The following ERGIC1 variants were observed in gnomAD, a reference collection of about 807,000 sequenced individuals.
ERGIC1 encodes endoplasmic reticulum-golgi intermediate compartment 1.
Under a neutral mutation model 38.3 loss-of-function variants are expected in ERGIC1, and 19 were observed. The observed-to-expected ratio is 0.50, with a 90% CI of 0.35 to 0.73. The LOEUF (loss-of-function observed/expected upper bound fraction) is 0.73, where lower values mean the gene tolerates loss of function less well. Ranked by LOEUF, ERGIC1 falls within the 30% of genes least tolerant of loss-of-function variation. The pLI is 0.01. For missense variants in ERGIC1, 294 were observed against 389.2 expected (o/e 0.76, Z 2.06); for synonymous variants, 124 against 157.6 (o/e 0.79, Z 1.60).
chr5:172,863,529 G>A (rs1761773403), intron 1 of ERGIC1, among the ~76,000 whole-genome samples: 1 of 152,196 alleles, frequency 6.6e-6, no homozygotes, highest in African/African-American at 2.4e-5. Context: ...TTCAGGCTGA[G>A]TGGCCAGGAG....
At chr5:172,908,818 C>T (rs1003930914) in intron 3 of ERGIC1, among the ~76,000 whole-genome samples, 3 of 152,206 alleles carry the variant, frequency 2.0e-5, no homozygotes, top group Non-Finnish European at 4.4e-5. Flanking sequence ...GAAATTAATA[C>T]AGCCGTCAAG....
At chr5:172,845,574 C>G (rs2113524756) in intron 1 of ERGIC1, among the ~76,000 whole-genome samples, 2 of 152,248 alleles carry the variant, frequency 1.3e-5, no homozygotes, top group East Asian at 3.8e-4. Flanking sequence ...CTGAGCCAAA[C>G]AGACAACCCC....
At chr5:172,894,991 AATAG>A (rs1289459494) in intron 2 of ERGIC1, among the ~76,000 whole-genome samples, 2 of 152,278 alleles carry the variant, frequency 1.3e-5, no homozygotes, top group Non-Finnish European at 2.9e-5. Context: ...GATATATGTA[AATAG>A]ATACAGACTA....
chr5:172,926,655 C>T lies in ERGIC1; in HGVS notation c.541+86C>T. 6.8e-7 allele frequency: 1 copy of T among 1,466,364 alleles called. No individual in the cohort carries two copies. The highest frequency in any genetic ancestry group is 9.4e-7 in the Non-Finnish European group (1 of 1,058,696). The allele number at this position is 1,466,364 out of a possible 1,614,324, so 90.8% of individuals were successfully genotyped here. A position where few individuals can be genotyped will look rare whatever the true frequency, so the allele number is the denominator to read the frequency against. On this transcript the variant is annotated intron_variant, in intron 7 of 9. Transcript: ENST00000393784. This position sits in a 1 kb window ranked among gnomAD's most constrained non-coding sequence, Gnocchi z 5.2. ...GGGGGAGGGCAGAGAGGTGGGGGTG[C>T]CTGTCCAGCACCCACTCCAAGGCAG...
intron 1 of ERGIC1, among the ~76,000 whole-genome samples, chr5:172,871,296 C>G (rs988499628): frequency 6.6e-6 from 1 of 152,182 alleles, no homozygotes; most frequent in Non-Finnish European, 1.5e-5. Flanking sequence ...CGCTGCTGTT[C>G]CAGGAACCTG....
intron 5 of ERGIC1, chr5:172,920,538 C>T (rs1392819925): frequency 1.4e-6 from 1 of 691,772 alleles, no homozygotes; most frequent in African/African-American, 1.8e-5. Context: ...CCATCAGAGA[C>T]ACTGACGTAG....
intron 1 of ERGIC1, among the ~76,000 whole-genome samples, chr5:172,848,656 T>A (rs1761335157): frequency 6.6e-6 from 1 of 152,144 alleles, no homozygotes; most frequent in Admixed American, 6.5e-5. Flanking sequence ...CACTGGATCC[T>A]GGTGCTGAGC....
At chr5:172,906,433 C>G (rs1452945789) in intron 3 of ERGIC1, among the ~76,000 whole-genome samples, 1 of 152,068 alleles carries the variant, frequency 6.6e-6, no homozygotes, top group South Asian at 2.1e-4. Flanking sequence ...CATGAATGCA[C>G]GTAGTAGGCC....
chr5:172,927,185 G>A, intron 7 of ERGIC1: 1 of 153,004 alleles, frequency 6.5e-6, no homozygotes. Flanking sequence ...CCAGACACGT[G>A]CACAGAATGG....
At chr5:172,945,571 TC>T (rs1446114699) in intron 9 of ERGIC1, among the ~76,000 whole-genome samples, 1 of 152,170 alleles carries the variant, frequency 6.6e-6, no homozygotes, top group East Asian at 1.9e-4. Context: ...GTTAGAGCCT[TC>T]CAGTGAACTG....
intron 1 of ERGIC1, among the ~76,000 whole-genome samples, chr5:172,875,822 G>T (rs1369632319): frequency 6.6e-6 from 1 of 152,168 alleles, no homozygotes; most frequent in African/African-American, 2.4e-5. Context: ...GAGCTCAAGA[G>T]ATTTTCCTGC....
chr5:172,939,398 T>C (rs1030994543), intron 9 of ERGIC1, among the ~76,000 whole-genome samples: 2 of 152,238 alleles, frequency 1.3e-5, no homozygotes, highest in African/African-American at 4.8e-5. Context: ...GGGAATGCTA[T>C]GCGCAGAGGC....
chr5:172,847,721 A>G (rs6881149), intron 1 of ERGIC1, among the ~76,000 whole-genome samples: 2,105 of 152,152 alleles, frequency 0.014, 29 homozygotes, highest in Non-Finnish European at 0.022. Flanking sequence ...CGCCGTGTTG[A>G]CCAGGATGGT....
intron 6 of ERGIC1, 124 bp downstream of exon 6, chr5:172,924,233 C>T (rs1225748619): frequency 2.2e-6 from 2 of 919,608 alleles, no homozygotes; most frequent in East Asian, 2.6e-5. Flanking sequence ...CTAAGCCAAG[C>T]CTGGAAGGGT....
At chr5:172,947,497 C>T (rs1764149883) in intron 9 of ERGIC1, among the ~76,000 whole-genome samples, 1 of 152,182 alleles carries the variant, frequency 6.6e-6, no homozygotes, top group Non-Finnish European at 1.5e-5. Context: ...TGAGGAAACC[C>T]CCCTGGAATG....
At chr5:172,914,185 A>G (rs1261757860) in intron 4 of ERGIC1, among the ~76,000 whole-genome samples, 3 of 145,574 alleles carry the variant, frequency 2.1e-5, no homozygotes, top group Non-Finnish European at 4.5e-5. Context: ...CAGTGAGTCG[A>G]GAGCATGCCA....
chr5:172,840,375 T>G (rs563091945), intron 1 of ERGIC1, among the ~76,000 whole-genome samples: 1 of 152,286 alleles, frequency 6.6e-6, no homozygotes, highest in South Asian at 2.1e-4. Flanking sequence ...CCTAGCCAGT[T>G]TTTGTCAGGC....
intron 2 of ERGIC1, among the ~76,000 whole-genome samples, chr5:172,893,889 A>ATGTGTG (rs1762633267): frequency 5.9e-5 from 1 of 17,088 alleles, no homozygotes; most frequent in African/African-American, 1.4e-4. Flanking sequence ...ATATATATAT[A>ATGTGTG]TATATATATA....
chr5:172,947,674 G>A (rs902287128), intron 9 of ERGIC1, among the ~76,000 whole-genome samples: 1 of 152,204 alleles, frequency 6.6e-6, no homozygotes, highest in African/African-American at 2.4e-5. Flanking sequence ...CCCTGTGACT[G>A]AGCCAGTTGC....
Sources: gnomAD v4.1 joint callset for allele counts (sites outside exome capture counted in the v4.1 genomes callset) on GRCh38, gnomAD v4.1.1 for gene constraint, Gnocchi (gnomAD v3.1) non-coding constraint, MANE v1.5 for transcripts, NCBI Gene and HGNC (gene_info 2026-07-23, HGNC 2026-07-21) for gene names.